Variants in NRG3 observed in about 807,000 individuals in gnomAD.
NRG3 encodes pro-neuregulin-3, membrane-bound isoform.
NRG3 carries 31 observed loss-of-function variants against 66.9 expected under a neutral mutation model. That is an observed-to-expected ratio of 0.46 (90% confidence interval 0.35 to 0.63). NRG3 has a LOEUF of 0.63. Ranked by LOEUF, NRG3 falls within the 20% of genes least tolerant of loss-of-function variation. The pLI, the probability that NRG3 is intolerant of heterozygous loss-of-function variation, is 0.00. For missense variants in NRG3, 910 were observed against 878.9 expected, an observed-to-expected ratio of 1.04 and a Z score of -0.45; for synonymous variants, 393 against 359.4, an observed-to-expected ratio of 1.09 and a Z score of -1.06.
At chr10:82,104,203 T>C (rs984682289) in intron 1 of NRG3, among the ~76,000 whole-genome samples, 1 of 152,192 alleles carries the variant, frequency 6.6e-6, no homozygotes, top group African/African-American at 2.4e-5. Context: ...GTGAAAGAGG[T>C]TGGCAATAGC....
intron 2 of NRG3, among the ~76,000 whole-genome samples, chr10:82,613,126 A>G (rs150332623): frequency 1.7e-4 from 26 of 152,342 alleles, no homozygotes; most frequent in African/African-American, 6.0e-4. Flanking sequence ...CCAATTAGAA[A>G]TAAACATTCT....
intron 2 of NRG3, among the ~76,000 whole-genome samples, chr10:82,541,251 T>C (rs568474838): frequency 6.6e-6 from 1 of 152,296 alleles, no homozygotes; most frequent in African/African-American, 2.4e-5. Flanking sequence ...TAAATTTAGA[T>C]ATAAATACGC....
At chr10:82,764,237 G>A (rs2059429209) in intron 3 of NRG3, among the ~76,000 whole-genome samples, 2 of 152,036 alleles carry the variant, frequency 1.3e-5, no homozygotes, top group Non-Finnish European at 2.9e-5. Flanking sequence ...GTTTTGCCAT[G>A]TTGACCAGGC....
At chr10:82,708,901 A>C (rs2056481860) in intron 2 of NRG3, among the ~76,000 whole-genome samples, 1 of 152,004 alleles carries the variant, frequency 6.6e-6, no homozygotes, top group Non-Finnish European at 1.5e-5. Context: ...CTCCCTGCTT[A>C]CTTTTCTTGG....
chr10:82,073,061 C>T (rs1395952792), intron 1 of NRG3, among the ~76,000 whole-genome samples: 1 of 151,650 alleles, frequency 6.6e-6, no homozygotes, highest in Non-Finnish European at 1.5e-5. Context: ...AGGCATGAGC[C>T]ACCACACTGG....
At chr10:82,935,968 A>G (rs185628824) in intron 4 of NRG3, among the ~76,000 whole-genome samples, 3 of 152,270 alleles carry the variant, frequency 2.0e-5, no homozygotes, top group African/African-American at 7.2e-5. Flanking sequence ...TTGGTATTAG[A>G]TGTCAGTTTA....
intron 1 of NRG3, among the ~76,000 whole-genome samples, chr10:82,190,845 G>T (rs186557030): frequency 3.9e-5 from 6 of 152,232 alleles, no homozygotes; most frequent in African/African-American, 1.4e-4. Context: ...GCATTCCTCC[G>T]TATCTGTTTT....
At chr10:82,347,385 C>T (rs1305494025) in intron 1 of NRG3, among the ~76,000 whole-genome samples, 1 of 152,076 alleles carries the variant, frequency 6.6e-6, no homozygotes, top group African/African-American at 2.4e-5. Context: ...TTTTGAGTGA[C>T]ATTCTTAATC....
intron 2 of NRG3, among the ~76,000 whole-genome samples, chr10:82,735,857 G>A (rs959331605): frequency 6.6e-6 from 1 of 152,026 alleles, no homozygotes; most frequent in Admixed American, 6.5e-5. Context: ...AACCACCATG[G>A]CACATGTATA....
At chr10:82,421,587 A>G (rs2089077325) in intron 2 of NRG3, among the ~76,000 whole-genome samples, 1 of 152,120 alleles carries the variant, frequency 6.6e-6, no homozygotes, top group African/African-American at 2.4e-5. Flanking sequence ...ATCTGTAAAA[A>G]ATGAATTTCC....
At chr10:82,309,900 T>A (rs751354381) in intron 1 of NRG3, among the ~76,000 whole-genome samples, 7 of 152,204 alleles carry the variant, frequency 4.6e-5, no homozygotes, top group Admixed American at 1.3e-4. Context: ...GTTAGCTTAT[T>A]ATTTTAATGG....
intron 2 of NRG3, among the ~76,000 whole-genome samples, chr10:82,688,800 C>T (rs1354108743): frequency 6.6e-6 from 1 of 150,844 alleles, no homozygotes; most frequent in Non-Finnish European, 1.5e-5. Flanking sequence ...AAGAAAATGT[C>T]GCCTCAATAA....
intron 2 of NRG3, among the ~76,000 whole-genome samples, chr10:82,481,169 A>G (rs1326187019): frequency 2.0e-5 from 3 of 152,060 alleles, no homozygotes; most frequent in African/African-American, 4.8e-5. Flanking sequence ...TGTCCTTACT[A>G]TTTCTCTATC....
chr10:81,959,443 C>T (rs1438893797), intron 1 of NRG3, among the ~76,000 whole-genome samples: 1 of 152,028 alleles, frequency 6.6e-6, no homozygotes, highest in Middle Eastern at 3.2e-3. Context: ...TATGTGTGCT[C>T]ATATATGAGA....
intron 2 of NRG3, among the ~76,000 whole-genome samples, chr10:82,525,664 A>G (rs919126457): frequency 2.0e-5 from 3 of 152,018 alleles, no homozygotes; most frequent in Admixed American, 2.0e-4. Flanking sequence ...CATATCAAAT[A>G]TAATCAAACC....
chr10:82,374,197 T>C (rs1031953543), intron 2 of NRG3, among the ~76,000 whole-genome samples: 2 of 152,160 alleles, frequency 1.3e-5, no homozygotes, highest in Non-Finnish European at 2.9e-5. Flanking sequence ...GGCAAAAGCT[T>C]ACACCCTTTC....
At chr10:81,955,688 G>A (rs773406600) in intron 1 of NRG3, among the ~76,000 whole-genome samples, 3 of 152,148 alleles carry the variant, frequency 2.0e-5, no homozygotes, top group Non-Finnish European at 4.4e-5. Context: ...ATACCTTTGA[G>A]GAATTGAGTG....
At chr10:81,999,471 TA>T (rs2061080746) in intron 1 of NRG3, among the ~76,000 whole-genome samples, 1 of 152,228 alleles carries the variant, frequency 6.6e-6, no homozygotes, top group South Asian at 2.1e-4. Context: ...AATGACATTT[TA>T]TTATATTAAT....
chr10:82,068,042 A>G (rs117064152), intron 1 of NRG3, among the ~76,000 whole-genome samples: 383 of 152,360 alleles, frequency 2.5e-3, no homozygotes, highest in Non-Finnish European at 4.6e-3. Flanking sequence ...TGAACAGTAC[A>G]CAACTGACAA....
Sources: allele counts gnomAD v4.1 joint callset (sites outside exome capture counted in the v4.1 genomes callset), GRCh38; gene constraint gnomAD v4.1.1; transcripts MANE v1.5; gene names NCBI Gene and HGNC (gene_info 2026-07-23, HGNC 2026-07-21).